IQGAP1: variants seen among roughly 807,000 people sequenced by gnomAD.
The protein encoded by IQGAP1 is ras GTPase-activating-like protein IQGAP1.
In IQGAP1, 66 loss-of-function variants were observed where a neutral mutation model predicts 215.6. The observed-to-expected ratio is 0.31, with a 90% CI of 0.25 to 0.38. The LOEUF (loss-of-function observed/expected upper bound fraction) is 0.38. Among genes scored for constraint, IQGAP1 ranks in the 10% least tolerant of loss-of-function variants. The pLI, the probability that IQGAP1 is intolerant of heterozygous loss-of-function variation, is 1.00. For synonymous variants in IQGAP1, 772 were observed against 728.7 expected, an observed-to-expected ratio of 1.06 and a Z score of -0.96; for missense variants, 1,712 against 1,997.1, an observed-to-expected ratio of 0.86 and a Z score of 2.72.
chr15:90,488,407 AT>A lies in IQGAP1; in HGVS notation c.4248+834del, dbSNP rs147648686. Among the ~76,000 whole-genome samples the A allele has an allele frequency of 2.0e-5, 3 of 150,504 alleles. No homozygotes were observed. In the East Asian group the frequency reaches 5.8e-4, roughly 29 times the overall value. On this transcript the variant is annotated intron_variant, in intron 33 of 37. Coordinates refer to ENST00000268182, the MANE Select transcript of IQGAP1 (RefSeq NM_003870.4). ...AATTTGTATTATTTTGTATTGTTGT[AT>A]TTTTTTTTCAAACAGTTTCAGGGTT...
At chr15:90,431,046 TTATA>T (rs1325751001) in intron 4 of IQGAP1, among the ~76,000 whole-genome samples, 1 of 148,050 alleles carries the variant, frequency 6.8e-6, no homozygotes, top group African/African-American at 2.5e-5. Context: ...ATACAATATA[TTATA>T]TATTATATAT....
At chr15:90,449,954 C>G (rs1965578362) in intron 11 of IQGAP1, among the ~76,000 whole-genome samples, 1 of 152,162 alleles carries the variant, frequency 6.6e-6, no homozygotes, top group African/African-American at 2.4e-5. Flanking sequence ...ATGATCAAAT[C>G]AGGGTAATTG....
At chr15:90,491,694 G>C in intron 34 of IQGAP1, 149 bp downstream of exon 34, 1 of 662,430 alleles carries the variant, frequency 1.5e-6, no homozygotes. Context: ...TCTCCAGCAT[G>C]AGGGCCTTGC....
chr15:90,416,381 T>TTATA (rs1388369655), intron 2 of IQGAP1, among the ~76,000 whole-genome samples: 1 of 152,170 alleles, frequency 6.6e-6, no homozygotes, highest in East Asian at 1.9e-4. Flanking sequence ...GCATGTGTCT[T>TTATA]TATAGCAGCA....
intron 2 of IQGAP1, among the ~76,000 whole-genome samples, chr15:90,399,104 C>T (rs1192128917): frequency 4.0e-5 from 6 of 151,132 alleles, no homozygotes; most frequent in African/African-American, 1.5e-4. Context: ...TATAGGCCCA[C>T]TTCACCTCAC....
intron 2 of IQGAP1, among the ~76,000 whole-genome samples, chr15:90,405,114 A>G (rs565276330): frequency 4.6e-5 from 7 of 152,288 alleles, no homozygotes; most frequent in African/African-American, 1.7e-4. Context: ...GTGAGGAGTA[A>G]GATAGATCCT....
intron 10 of IQGAP1, among the ~76,000 whole-genome samples, chr15:90,449,056 G>A (rs905677040): frequency 2.6e-5 from 4 of 151,932 alleles, no homozygotes; most frequent in Admixed American, 6.6e-5. Context: ...GCATTCTTAC[G>A]TCAGGAATTT....
At chr15:90,495,651 C>CT (rs199894206) in intron 36 of IQGAP1, among the ~76,000 whole-genome samples, 28,602 of 139,986 alleles carry the variant, frequency 0.2, 3,100 homozygotes, top group East Asian at 0.31. Context: ...TTTTCTTCTT[C>CT]TTTTTTTTTT....
At position 90,466,187 on chromosome 15, in the gene IQGAP1, C is replaced by T. The variant is rs1462390927; in HGVS notation, c.1868-82C>T. ...AAGATAGGTATGGGGGAACAATTTG[C>T]CAGTAGATATAGTTAGGTGAAGCAG... On this transcript the variant is annotated intron_variant, in intron 16 of 37. Transcript: ENST00000268182. 23 of 1,570,966 alleles carry T rather than the reference C, an allele frequency of 1.5e-5. No individual in the cohort carries two copies. The Middle Eastern group carries it at 1.3e-3, about 91-fold the overall frequency.
At chr15:90,452,656 A>G (rs1475663883) in intron 11 of IQGAP1, 119 bp from the exon 12 acceptor site, 25 of 1,148,728 alleles carry the variant, frequency 2.2e-5, no homozygotes, top group Non-Finnish European at 2.9e-5. Context: ...CGAAAGTTCC[A>G]CTTCAAACTT....
intron 37 of IQGAP1, among the ~76,000 whole-genome samples, chr15:90,498,847 T>C (rs1219050394): frequency 6.7e-6 from 1 of 149,776 alleles, no homozygotes; most frequent in Non-Finnish European, 1.5e-5. Context: ...TTCGCTCTTA[T>C]TGCCCAAGCT....
intron 18 of IQGAP1, among the ~76,000 whole-genome samples, chr15:90,470,939 T>G (rs1027619676): frequency 3.3e-5 from 5 of 152,024 alleles, no homozygotes; most frequent in African/African-American, 1.2e-4. Context: ...CTGCTTGAAT[T>G]ATACAAAGAG....
At chr15:90,462,515 G>T (rs933080961) in intron 15 of IQGAP1, among the ~76,000 whole-genome samples, 1 of 152,136 alleles carries the variant, frequency 6.6e-6, no homozygotes, top group East Asian at 1.9e-4. Flanking sequence ...TGTGTATGTG[G>T]TATATATGTG....
intron 9 of IQGAP1, among the ~76,000 whole-genome samples, chr15:90,445,012 A>G (rs549632645): frequency 6.3e-4 from 96 of 152,252 alleles, no homozygotes; most frequent in African/African-American, 2.2e-3. Flanking sequence ...AGTCCCAGCT[A>G]CTTGGGGGCT....
chr15:90,458,483 A>G (rs1346475232), intron 15 of IQGAP1, among the ~76,000 whole-genome samples: 1 of 152,076 alleles, frequency 6.6e-6, no homozygotes, highest in Non-Finnish European at 1.5e-5. Context: ...GTCAGATATA[A>G]GGCTCCCTTT....
intron 3 of IQGAP1, among the ~76,000 whole-genome samples, chr15:90,427,072 G>T (rs1010596974): frequency 2.0e-5 from 3 of 151,750 alleles, no homozygotes; most frequent in Admixed American, 2.0e-4. Context: ...TTTGAGAGTA[G>T]CCTGGGCAAT....
At chr15:90,396,465 G>A (rs1026313659) in intron 2 of IQGAP1, among the ~76,000 whole-genome samples, 1 of 152,190 alleles carries the variant, frequency 6.6e-6, no homozygotes, top group African/African-American at 2.4e-5. Flanking sequence ...CAGATGAGAA[G>A]TCTAGTTATC....
chr15:90,407,398 T>G (rs777886359), intron 2 of IQGAP1, among the ~76,000 whole-genome samples: 2 of 147,714 alleles, frequency 1.4e-5, no homozygotes, highest in African/African-American at 4.9e-5. Context: ...TTTACCTACT[T>G]TACTAAAAAA....
At position 90,494,722 on chromosome 15, in the gene IQGAP1, A is replaced by G. The variant is rs1319756042; in HGVS notation, c.4638A>G (p.Lys1546=). The change falls in exon 36 of 38, where the codon AAA becomes AAG. Residue 1546 remains lysine, a synonymous_variant. Transcript: ENST00000268182. ...GATGTGATTTTTACAGAGTCTCCAA[A>G]AAGCCTAGGGAAATGAAAGGAAAGA... is the stretch of plus-strand genomic sequence containing the variant. The part of the protein sequence containing the change: ...DNLASKGKVS[K]KPREMKGKKS... The G allele has an allele frequency of 1.2e-6, 2 of 1,606,906 alleles. No homozygotes were observed. Among genetic ancestry groups the G allele is most frequent in the Non-Finnish European group, 1.7e-6 (2 of 1,177,012 alleles).
Sources: allele counts gnomAD v4.1 joint callset (sites outside exome capture counted in the v4.1 genomes callset), GRCh38; gene constraint gnomAD v4.1.1; transcripts MANE v1.5; gene names NCBI Gene and HGNC (gene_info 2026-07-23, HGNC 2026-07-21).